The following PCM1 variants were observed in gnomAD, a reference collection of about 807,000 sequenced individuals.
The protein encoded by PCM1 is pericentriolar material 1 protein.
PCM1 carries 157 observed loss-of-function variants against 241.9 expected under a neutral mutation model. The observed-to-expected ratio is 0.65, with a 90% confidence interval of 0.57 to 0.74. The LOEUF (loss-of-function observed/expected upper bound fraction) is 0.74. Among genes scored for constraint, PCM1 ranks in the 30% least tolerant of loss-of-function variants. The probability of loss-of-function intolerance (pLI) is 0.00; values close to 1 mark genes in which losing one functional copy is unlikely to be tolerated. For synonymous variants in PCM1, 1,085 were observed against 784.9 expected (o/e 1.38, Z -6.39); for missense variants, 3,478 against 2,360.1 (o/e 1.47, Z -9.81).
chr8:18,026,163 CTGAAACAAAAAAAAAAAAAAAAA>C (rs1278100685), intron 38 of PCM1, among the ~76,000 whole-genome samples: 15 of 53,678 alleles, frequency 2.8e-4, no homozygotes, highest in African/African-American at 7.0e-4. Flanking sequence ...GACTCCCTCT[CTGAAACAAAAAAAAAAAAAAAAA>C]AAAAAAAAAA....
Position 17,947,334 on chromosome 8 carries a change from A to G in PCM1, c.932A>G (p.Glu311Gly). 1 of 1,607,230 alleles carries G rather than the reference A, an allele frequency of 6.2e-7. No homozygotes were observed. The highest frequency in any genetic ancestry group is 1.1e-5 in the South Asian group (1 of 89,466). The change falls in exon 7 of 39, where the codon GAG (glutamate) becomes GGG (glycine). Residue 311 changes from glutamate (E) to glycine (G), a missense_variant. Glu to Gly is a moderately conservative substitution (Grantham distance 98, BLOSUM62 -2). Coordinates refer to ENST00000325083, the MANE Select transcript of PCM1 (RefSeq NM_006197.4). The stretch of plus-strand genomic sequence containing the variant: ...CTTCTAGCTCTGCAACATAAAGCAG[A>G]GCAAGCTATTGCAGTGATGGATGAT... Reference protein sequence around the residue: ...AALLALQHKAEQAIAVMDDSV... With the variant: ...AALLALQHKAGQAIAVMDDSV...
intron 6 of PCM1, among the ~76,000 whole-genome samples, chr8:17,945,191 G>T (rs183478730): frequency 3.1e-4 from 47 of 152,142 alleles, no homozygotes; most frequent in Admixed American, 1.2e-3. Context: ...ACCCTTCAAA[G>T]TTGTTTTTTT....
chr8:17,925,389 T>C (rs1165092621), intron 2 of PCM1: 6 of 152,312 alleles, frequency 3.9e-5, no homozygotes, highest in African/African-American at 1.4e-4. Context: ...TCAATAATTG[T>C]TTGCAAAGGG....
intron 6 of PCM1, among the ~76,000 whole-genome samples, chr8:17,942,819 C>T (rs2062565857): frequency 6.6e-6 from 1 of 151,974 alleles, no homozygotes. Flanking sequence ...CATAGTGAAA[C>T]CCTGTCTTTA....
intron 23 of PCM1, among the ~76,000 whole-genome samples, chr8:17,973,232 T>C (rs1272498870): frequency 6.6e-6 from 1 of 152,210 alleles, no homozygotes; most frequent in Non-Finnish European, 1.5e-5. Flanking sequence ...AAATTTTCTT[T>C]ATGGTGTTAG....
intron 22 of PCM1, among the ~76,000 whole-genome samples, chr8:17,971,390 C>G (rs1359044238): frequency 1.3e-5 from 2 of 152,174 alleles, no homozygotes; most frequent in African/African-American, 4.8e-5. Context: ...ATTTATAAAG[C>G]ACATTGGCAT....
chr8:17,977,847 C>T (rs1012766255), intron 23 of PCM1, among the ~76,000 whole-genome samples: 2 of 152,100 alleles, frequency 1.3e-5, no homozygotes, highest in Non-Finnish European at 2.9e-5. Flanking sequence ...TCCATGCACC[C>T]TCATCTTGCC....
At chr8:17,932,181 G>T (rs2059235169) in intron 2 of PCM1, among the ~76,000 whole-genome samples, 1 of 152,044 alleles carries the variant, frequency 6.6e-6, no homozygotes, top group African/African-American at 2.4e-5. Context: ...TAATAGCATT[G>T]ATTTTGTCAT....
At position 17,957,754 on chromosome 8, in the gene PCM1, A is replaced by G. The variant is rs376482418; in HGVS notation, c.2019A>G (p.Gln673=). Residue 673 remains glutamine, a synonymous_variant, in exon 13 of 39, where the codon CAA becomes CAG. Transcript: ENST00000325083. ...CAAAACAGAAACTTAGACAGTTACAAGATCTTGTTGCTATGGTACAGGTAA... is the reference window on the plus strand; with the variant it reads ...CAAAACAGAAACTTAGACAGTTACAGGATCTTGTTGCTATGGTACAGGTAA... ...MAAKQKLRQL[Q]DLVAMVQDDD... 2 of 1,612,886 alleles carry G rather than the reference A, an allele frequency of 1.2e-6. No individual in the cohort carries two copies. Among genetic ancestry groups the G allele is most frequent in the South Asian group, 2.2e-5 (2 of 91,044 alleles).
intron 32 of PCM1, 54 bp downstream of exon 32, chr8:18,010,722 C>T (rs1457447977): frequency 1.5e-6 from 2 of 1,308,568 alleles, no homozygotes; most frequent in East Asian, 2.6e-5. Flanking sequence ...GTGGCTCACC[C>T]CCGTAATCGC....
At chr8:18,006,469 G>A in intron 30 of PCM1, 72 bp downstream of exon 30, 1 of 1,008,568 alleles carries the variant, frequency 9.9e-7, no homozygotes, top group Non-Finnish European at 1.5e-6. Context: ...GGGTGGGTGA[G>A]GCATTTTCTT....
chr8:18,018,209 G>A (rs923624584), intron 36 of PCM1, among the ~76,000 whole-genome samples: 3 of 152,178 alleles, frequency 2.0e-5, no homozygotes, highest in East Asian at 1.9e-4. Context: ...CTCTCTGGAA[G>A]GAAAGTTAAT....
chr8:18,008,562 G>A (rs1478032955), intron 30 of PCM1, among the ~76,000 whole-genome samples: 2 of 152,130 alleles, frequency 1.3e-5, no homozygotes, highest in Non-Finnish European at 2.9e-5. Flanking sequence ...TGCCAGAAAG[G>A]TTGGGGACTG....
intron 23 of PCM1, among the ~76,000 whole-genome samples, chr8:17,978,098 G>A (rs1564113329): frequency 6.6e-6 from 1 of 152,110 alleles, no homozygotes; most frequent in Non-Finnish European, 1.5e-5. Context: ...ATTCTTTAGA[G>A]CTAGAAAAAA....
chr8:18,027,474 C>CT (rs1349610964), intron 38 of PCM1, among the ~76,000 whole-genome samples, 163 bp from the exon 39 acceptor site: 2 of 152,106 alleles, frequency 1.3e-5, no homozygotes, highest in Non-Finnish European at 2.9e-5. Flanking sequence ...CTCACCTATT[C>CT]TTTTTTTACT....
intron 30 of PCM1, among the ~76,000 whole-genome samples, chr8:18,007,488 A>T (rs910718364): frequency 1.3e-5 from 2 of 152,224 alleles, no homozygotes; most frequent in African/African-American, 4.8e-5. Flanking sequence ...AAGAGAAATT[A>T]TAATTTAAAT....
intron 24 of PCM1, among the ~76,000 whole-genome samples, chr8:17,981,477 C>T (rs866034221): frequency 4.6e-5 from 7 of 152,186 alleles, no homozygotes; most frequent in Middle Eastern, 6.8e-3. Flanking sequence ...AGTCCCTTGG[C>T]AGCAGATAAA....
At chr8:17,957,183 T>G (rs2068939291) in intron 11 of PCM1, 81 bp from the exon 12 acceptor site, 1 of 1,125,744 alleles carries the variant, frequency 8.9e-7, no homozygotes, top group East Asian at 2.4e-5. Context: ...TTGGTGTTAT[T>G]TTATTAGCAG....
At chr8:17,939,275 G>T (rs1395451423) in intron 5 of PCM1, among the ~76,000 whole-genome samples, 1 of 152,068 alleles carries the variant, frequency 6.6e-6, no homozygotes. Flanking sequence ...TAGTAAAGGG[G>T]GATTGGAAGG....
Sources: gnomAD v4.1 joint callset for allele counts (sites outside exome capture counted in the v4.1 genomes callset) on GRCh38, gnomAD v4.1.1 for gene constraint, MANE v1.5 for transcripts, NCBI Gene and HGNC (gene_info 2026-07-23, HGNC 2026-07-21) for gene names.